The following PDZRN3 variants were observed in gnomAD, a reference collection of about 807,000 sequenced individuals.
PDZRN3 encodes the protein E3 ubiquitin-protein ligase PDZRN3.
Under a neutral mutation model 85.7 loss-of-function variants are expected in PDZRN3, and 38 were observed. That is an observed-to-expected ratio of 0.44 (90% confidence interval 0.34 to 0.58). PDZRN3 has a LOEUF of 0.58. Among genes scored for constraint, PDZRN3 ranks in the 20% least tolerant of loss-of-function variants. The pLI, the probability that PDZRN3 is intolerant of heterozygous loss-of-function variation, is 0.01. For missense variants in PDZRN3, 1,629 were observed against 1,506.4 expected, an observed-to-expected ratio of 1.08 and a Z score of -1.35; for synonymous variants, 759 against 638.0, an observed-to-expected ratio of 1.19 and a Z score of -2.86.
At chr3:73,391,690 G>C (rs1701531005) in intron 5 of PDZRN3, among the ~76,000 whole-genome samples, 1 of 152,284 alleles carries the variant, frequency 6.6e-6, no homozygotes, top group African/African-American at 2.4e-5. Flanking sequence ...TTAAATAAGA[G>C]AAAAGCAAAG....
intron 3 of PDZRN3, among the ~76,000 whole-genome samples, chr3:73,567,005 T>C (rs1400143992): frequency 2.0e-5 from 3 of 152,198 alleles, no homozygotes; most frequent in Non-Finnish European, 2.9e-5. Flanking sequence ...GTGTAAGCTA[T>C]TTGGATTTGA....
chr3:73,430,523 T>A (rs536062351), intron 3 of PDZRN3, among the ~76,000 whole-genome samples: 2 of 152,304 alleles, frequency 1.3e-5, no homozygotes, highest in South Asian at 4.1e-4. Flanking sequence ...TCTGTTCCCC[T>A]CTTCCTGGCC....
chr3:73,562,994 TATATATATATATATATATA>T lies in PDZRN3; in HGVS notation c.918+39341_918+39359del, dbSNP rs1209654403. On this transcript the variant is annotated intron_variant, in intron 3 of 9. Coordinates refer to ENST00000263666, the MANE Select transcript of PDZRN3 (RefSeq NM_015009.3). ...TGCAAGTTGGCAAATTATATATATA[TATATATATATATATATATA>T]TTTTTTTTTTTTTTTTTTTTTTTGA... Among the ~76,000 whole-genome samples the T allele has an allele frequency of 1.5e-3, 41 of 27,664 alleles. 1 individual carries two copies. The highest frequency in any genetic ancestry group is 5.8e-3 in the African/African-American group (34 of 5,816). The allele number at this position is 27,664 out of a possible 152,430, so 18.1% of individuals were successfully genotyped here.
At chr3:73,447,222 T>C (rs755484794) in intron 3 of PDZRN3, among the ~76,000 whole-genome samples, 10 of 152,038 alleles carry the variant, frequency 6.6e-5, no homozygotes, top group Non-Finnish European at 1.5e-4. Flanking sequence ...AACCTTGCTC[T>C]GCCCTCCCTT....
chr3:73,399,227 T>C (rs1262034684), intron 5 of PDZRN3, among the ~76,000 whole-genome samples: 1 of 152,238 alleles, frequency 6.6e-6, no homozygotes, highest in African/African-American at 2.4e-5. Flanking sequence ...TGAAACACTT[T>C]ACAGCTTTTT....
At chr3:73,472,202 C>A (rs1397166586) in intron 3 of PDZRN3, among the ~76,000 whole-genome samples, 1 of 152,216 alleles carries the variant, frequency 6.6e-6, no homozygotes, top group Non-Finnish European at 1.5e-5. Context: ...TTTGTTAGAG[C>A]TGCCAGGCTG....
intron 3 of PDZRN3, among the ~76,000 whole-genome samples, chr3:73,437,104 T>C (rs1052957907): frequency 4.0e-5 from 6 of 149,172 alleles, no homozygotes; most frequent in African/African-American, 1.2e-4. Context: ...ATATGGGTTA[T>C]ATTAAGCAAT....
intron 3 of PDZRN3, chr3:73,569,057 T>C (rs1272413684): frequency 3.0e-6 from 2 of 661,888 alleles, no homozygotes; most frequent in African/African-American, 3.7e-5. Flanking sequence ...TCCTATGAAG[T>C]AAAATAACTG....
chr3:73,444,327 CTG>C (rs775640782), intron 3 of PDZRN3, among the ~76,000 whole-genome samples: 62 of 152,188 alleles, frequency 4.1e-4, no homozygotes, highest in Non-Finnish European at 1.2e-4. Context: ...GCCATCTGCA[CTG>C]TGCCAGTTTC....
intron 3 of PDZRN3, among the ~76,000 whole-genome samples, chr3:73,426,963 C>T (rs1467353207): frequency 6.6e-6 from 1 of 152,178 alleles, no homozygotes; most frequent in Non-Finnish European, 1.5e-5. Flanking sequence ...TGCAGCACAA[C>T]TGAACATTAG....
chr3:73,586,315 T>C (rs1046506576), intron 3 of PDZRN3, among the ~76,000 whole-genome samples: 1 of 152,180 alleles, frequency 6.6e-6, no homozygotes, highest in African/African-American at 2.4e-5. Context: ...CAGGAGGTGT[T>C]GTCGAAGTAT....
chr3:73,473,250 T>C (rs1246478916), intron 3 of PDZRN3, among the ~76,000 whole-genome samples: 1 of 152,196 alleles, frequency 6.6e-6, no homozygotes, highest in South Asian at 2.1e-4. Context: ...AGAAATATTT[T>C]TTTTTCTCTT....
intron 3 of PDZRN3, among the ~76,000 whole-genome samples, chr3:73,474,254 T>C (rs993723732): frequency 6.6e-6 from 1 of 152,198 alleles, no homozygotes. Flanking sequence ...AAAGGTAACA[T>C]GGTTCATGGT....
intron 1 of PDZRN3, among the ~76,000 whole-genome samples, chr3:73,620,701 C>T (rs1034127004): frequency 6.6e-6 from 1 of 152,030 alleles, no homozygotes; most frequent in Admixed American, 6.5e-5. Context: ...CTCAGCCTCC[C>T]GAGTAGCTGG....
intron 3 of PDZRN3, among the ~76,000 whole-genome samples, chr3:73,414,487 T>C (rs955176053): frequency 3.9e-5 from 6 of 152,250 alleles, no homozygotes; most frequent in Non-Finnish European, 5.9e-5. Flanking sequence ...TGTGTATCAC[T>C]TGATCAAAAT....
At chr3:73,421,242 C>T (rs1008754539) in intron 3 of PDZRN3, among the ~76,000 whole-genome samples, 6 of 152,188 alleles carry the variant, frequency 3.9e-5, no homozygotes, top group African/African-American at 1.4e-4. Context: ...CTGGACACTC[C>T]TAACACCCTA....
At chr3:73,557,564 C>T (rs557887096) in intron 3 of PDZRN3, among the ~76,000 whole-genome samples, 55 of 152,266 alleles carry the variant, frequency 3.6e-4, no homozygotes, top group African/African-American at 1.2e-3. Flanking sequence ...ATCAAACTAA[C>T]GGCCGTAAAT....
intron 3 of PDZRN3, among the ~76,000 whole-genome samples, chr3:73,467,135 G>A (rs1213938941): frequency 2.0e-5 from 3 of 152,162 alleles, no homozygotes; most frequent in Non-Finnish European, 4.4e-5. Flanking sequence ...TCACTTTCAG[G>A]TTGGTGATCT....
chr3:73,535,183 G>A (rs745418096), intron 3 of PDZRN3, among the ~76,000 whole-genome samples: 1 of 152,168 alleles, frequency 6.6e-6, no homozygotes, highest in Non-Finnish European at 1.5e-5. Context: ...ACATGGAACA[G>A]AGCAGCTGCT....
Sources: gnomAD v4.1 joint callset for allele counts (sites outside exome capture counted in the v4.1 genomes callset) on GRCh38, gnomAD v4.1.1 for gene constraint, MANE v1.5 for transcripts, NCBI Gene and HGNC (gene_info 2026-07-23, HGNC 2026-07-21) for gene names.